PCDH15: variants seen among roughly 807,000 people sequenced by gnomAD.
The protein encoded by PCDH15 is protocadherin-15.
In PCDH15, 129 loss-of-function variants were observed where a neutral mutation model predicts 178.5. The observed-to-expected ratio is 0.72, with a 90% confidence interval of 0.63 to 0.84. The LOEUF is 0.84. Ranked by LOEUF, PCDH15 falls within the 40% of genes least tolerant of loss-of-function variation. PCDH15 has a pLI of 0.00. For missense variants in PCDH15, 2,230 were observed against 2,099.9 expected, an observed-to-expected ratio of 1.06 and a Z score of -1.21; for synonymous variants, 800 against 732.0, an observed-to-expected ratio of 1.09 and a Z score of -1.50.
intron 2 of PCDH15, among the ~76,000 whole-genome samples, chr10:54,551,410 G>C (rs2086597966): frequency 6.6e-6 from 1 of 151,860 alleles, no homozygotes; most frequent in African/African-American, 2.4e-5. Flanking sequence ...TGGATGCTTT[G>C]GGCATTGTAA....
At chr10:53,932,303 T>C (rs1344892292) in intron 25 of PCDH15, among the ~76,000 whole-genome samples, 1 of 152,210 alleles carries the variant, frequency 6.6e-6, no homozygotes, top group East Asian at 1.9e-4. Flanking sequence ...TCTGGTCCTT[T>C]GGGTTGGTTT....
At chr10:54,922,012 G>C (rs567776306) in intron 2 of PCDH15, among the ~76,000 whole-genome samples, 1 of 152,262 alleles carries the variant, frequency 6.6e-6, no homozygotes, top group South Asian at 2.1e-4. Flanking sequence ...AGATGAGCAA[G>C]AAGAAAATCC....
At chr10:55,176,305 C>A (rs1306105127) in intron 1 of PCDH15, among the ~76,000 whole-genome samples, 1 of 152,088 alleles carries the variant, frequency 6.6e-6, no homozygotes, top group East Asian at 1.9e-4. Context: ...TGCCTGAAAA[C>A]TTAACTCCTC....
At chr10:53,968,323 G>A (rs1432128730) in intron 21 of PCDH15, among the ~76,000 whole-genome samples, 1 of 152,166 alleles carries the variant, frequency 6.6e-6, no homozygotes, top group Non-Finnish European at 1.5e-5. Context: ...CACCATTGCT[G>A]AGGCTTGAGT....
At position 54,594,749 on chromosome 10, in the gene PCDH15, A is replaced by G. The variant is rs1325285026; in HGVS notation, c.92-66872T>C. 2.0e-5 allele frequency among the ~76,000 whole-genome samples: 3 copies of G among 152,030 alleles called. No homozygotes were observed. The East Asian group carries it at 5.8e-4, about 30-fold the overall frequency. On this transcript the variant is annotated intron_variant, in intron 2 of 37. Coordinates refer to ENST00000644397, the MANE Select transcript of PCDH15 (RefSeq NM_001384140.1). ...ATGTACCATGCCATGCCATGCCACT[A>G]TTGCTGGCTTGAGTGTGCCCCATCC... is the stretch of plus-strand genomic sequence containing the variant.
intron 2 of PCDH15, among the ~76,000 whole-genome samples, chr10:54,990,893 G>T (rs906679836): frequency 3.9e-5 from 6 of 151,912 alleles, no homozygotes; most frequent in Non-Finnish European, 5.9e-5. Context: ...ATTTACAAAA[G>T]AACATTAACT....
chr10:55,271,256 A>G (rs954470319), intron 1 of PCDH15, among the ~76,000 whole-genome samples: 1 of 152,106 alleles, frequency 6.6e-6, no homozygotes, highest in Non-Finnish European at 1.5e-5. Context: ...CTAAAATATA[A>G]GTTGAATTTT....
intron 2 of PCDH15, among the ~76,000 whole-genome samples, chr10:54,616,859 G>C (rs77311192): frequency 6.6e-6 from 1 of 151,674 alleles, no homozygotes; most frequent in African/African-American, 2.4e-5. Flanking sequence ...TTGGATGCCC[G>C]CTTTTACAAT....
chr10:54,406,449 A>C (rs1156915712), intron 3 of PCDH15, among the ~76,000 whole-genome samples: 1 of 152,092 alleles, frequency 6.6e-6, no homozygotes, highest in Non-Finnish European at 1.5e-5. Context: ...GGTGTCTGTC[A>C]CTTTTTGCCC....
intron 9 of PCDH15, among the ~76,000 whole-genome samples, chr10:54,234,431 T>C (rs2054415682): frequency 6.6e-6 from 1 of 152,150 alleles, no homozygotes. Flanking sequence ...CTCACGCCTG[T>C]AATCCCAGAA....
rs188985603 is a variant in PCDH15 at position 54,986,710 on chromosome 10, A to G, written c.-79-89210T>C. On this transcript the variant is annotated intron_variant, in intron 2 of 5. Coordinates refer to the PCDH15 transcript ENST00000458638. ...TATTAAACTTCCGTGTTGTGTTCAT[A>G]ATCACTGTTTTATAACACATTATTG... 1.4e-3 allele frequency among the ~76,000 whole-genome samples: 207 copies of G among 152,246 alleles called. 1 individual carries two copies. Among genetic ancestry groups the G allele is most frequent in the Non-Finnish European group, 2.3e-3 (154 of 68,014 alleles).
At chr10:55,106,451 T>C (rs1246081455) in intron 2 of PCDH15, among the ~76,000 whole-genome samples, 2 of 152,202 alleles carry the variant, frequency 1.3e-5, no homozygotes, top group South Asian at 2.1e-4. Context: ...CTCGCTCTTG[T>C]CGCCCAGGCT....
At chr10:54,961,926 C>T (rs1042339570) in intron 2 of PCDH15, among the ~76,000 whole-genome samples, 18 of 152,086 alleles carry the variant, frequency 1.2e-4, no homozygotes, top group Non-Finnish European at 2.4e-4. Context: ...TATGAGTTGC[C>T]CACTTTGGGT....
chr10:55,517,105 T>C (rs1841031989), intron 2 of PCDH15, among the ~76,000 whole-genome samples: 1 of 151,788 alleles, frequency 6.6e-6, no homozygotes, highest in Admixed American at 6.6e-5. Context: ...ATAAAGAATA[T>C]AAATAAAGAG....
chr10:53,914,631 G>A (rs543026500), intron 25 of PCDH15, among the ~76,000 whole-genome samples: 3 of 152,156 alleles, frequency 2.0e-5, no homozygotes, highest in East Asian at 3.9e-4. Flanking sequence ...GGGGGCTGGC[G>A]GAGGGATAGC....
intron 3 of PCDH15, among the ~76,000 whole-genome samples, chr10:54,393,605 C>T (rs1043132811): frequency 6.6e-6 from 1 of 152,162 alleles, no homozygotes; most frequent in Non-Finnish European, 1.5e-5. Flanking sequence ...TTTCCATTCA[C>T]AACCTTTTCA....
rs137978594 is a variant in PCDH15, at chr10:54,625,717, T to G, written c.91+38455A>C. ...TTGCTCAGTCTCAGGTATGTCTTTA[T>G]CAGCAGCTTGAAAACAGACTAATAC... On this transcript the variant is annotated intron_variant, in intron 2 of 37. Transcript: ENST00000644397. Among the ~76,000 whole-genome samples the G allele has an allele frequency of 5.0e-4, 76 of 152,284 alleles. No individual in the cohort carries two copies. The East Asian group carries it at 0.014, about 28-fold the overall frequency.
chr10:54,628,979 C>T (rs1362877606), intron 2 of PCDH15, among the ~76,000 whole-genome samples: 2 of 151,694 alleles, frequency 1.3e-5, no homozygotes, highest in African/African-American at 4.8e-5. Context: ...GGAAAGAATA[C>T]ACACACACAC....
intron 2 of PCDH15, among the ~76,000 whole-genome samples, chr10:54,938,630 T>G (rs1472301638): frequency 6.6e-6 from 1 of 152,202 alleles, no homozygotes. Context: ...GTAGACAGAA[T>G]GATCATTCTG....
Sources: allele counts gnomAD v4.1 joint callset (sites outside exome capture counted in the v4.1 genomes callset), GRCh38; gene constraint gnomAD v4.1.1; transcripts MANE v1.5; gene names NCBI Gene and HGNC (gene_info 2026-07-23, HGNC 2026-07-21).